The following ATRNL1 variants were observed in gnomAD, a reference collection of about 807,000 sequenced individuals.
ATRNL1 encodes the protein attractin-like protein 1.
In ATRNL1, 95 loss-of-function variants were observed where a neutral mutation model predicts 182.7. The observed-to-expected ratio is 0.52, with a 90% CI of 0.44 to 0.62. ATRNL1 has a LOEUF of 0.62. Among genes scored for constraint, ATRNL1 ranks in the 20% least tolerant of loss-of-function variants. The pLI is 0.00. For missense variants in ATRNL1, 1,471 were observed against 1,679.5 expected, an observed-to-expected ratio of 0.88 and a Z score of 2.17; for synonymous variants, 576 against 568.3, an observed-to-expected ratio of 1.01 and a Z score of -0.19.
intron 26 of ATRNL1, among the ~76,000 whole-genome samples, chr10:115,598,343 TA>T (rs1407232388): frequency 2.2e-5 from 3 of 138,258 alleles, no homozygotes; most frequent in African/African-American, 8.0e-5. Context: ...ATTATTTATT[TA>T]AAAAAATTAT....
chr10:115,132,525 G>C (rs2143735575), intron 5 of ATRNL1, among the ~76,000 whole-genome samples: 1 of 152,258 alleles, frequency 6.6e-6, no homozygotes, highest in Non-Finnish European at 1.5e-5. Context: ...CACAATGGTT[G>C]AACTAGTTTA....
intron 25 of ATRNL1, among the ~76,000 whole-genome samples, chr10:115,543,337 A>T (rs542008342): frequency 6.6e-6 from 1 of 152,250 alleles, no homozygotes; most frequent in African/African-American, 2.4e-5. Flanking sequence ...TCATATTTTT[A>T]TTGCATTTTA....
At chr10:115,464,822 T>C (rs1394161805) in intron 22 of ATRNL1, among the ~76,000 whole-genome samples, 1 of 146,932 alleles carries the variant, frequency 6.8e-6, no homozygotes, top group African/African-American at 2.6e-5. Flanking sequence ...AGTGACTTTT[T>C]GGATCCGTTT....
chr10:115,284,541 C>G (rs1292075688), intron 14 of ATRNL1, among the ~76,000 whole-genome samples: 1 of 152,202 alleles, frequency 6.6e-6, no homozygotes, highest in East Asian at 1.9e-4. Context: ...TATGTTCCAA[C>G]TGCTGTGAGA....
In ATRNL1 at chr10:115,274,157, C is replaced by T. The variant is rs574365788; in HGVS notation, c.2100+5713C>T. Among the ~76,000 whole-genome samples the T allele has an allele frequency of 8.5e-5, 13 of 152,322 alleles. No individual in the cohort carries two copies. The East Asian group carries it at 2.5e-3, about 29-fold the overall frequency. ...AAGGCTCCAAACAGCATCCTGTCTG[C>T]CACTGATATTTCACGTACCATTGCA... is the stretch of plus-strand genomic sequence containing the variant. On this transcript the variant is annotated intron_variant, in intron 13 of 28. Coordinates refer to ENST00000355044, the MANE Select transcript of ATRNL1 (RefSeq NM_207303.4).
At chr10:115,775,711 C>G (rs1949105324) in intron 27 of ATRNL1, among the ~76,000 whole-genome samples, 1 of 152,018 alleles carries the variant, frequency 6.6e-6, no homozygotes, top group Non-Finnish European at 1.5e-5. Flanking sequence ...AATCCCAGCA[C>G]TTTGGGAGGC....
In ATRNL1 at chr10:115,787,414, C is replaced by T. The variant is rs1949423154; in HGVS notation, c.3903+60059C>T. Among the ~76,000 whole-genome samples the T allele has an allele frequency of 3.3e-5, 5 of 152,082 alleles. No individual in the cohort carries two copies. In the South Asian group the frequency reaches 1.0e-3, roughly 31 times the overall value. On this transcript the variant is annotated intron_variant, in intron 27 of 28. Coordinates refer to ENST00000355044, the MANE Select transcript of ATRNL1 (RefSeq NM_207303.4). ...CTAATTCCAGGAATACTATTCTTTA[C>T]TTTCTTGGCTCTTAGAAGATATGTC...
At chr10:115,372,480 C>T (rs1442388891) in intron 19 of ATRNL1, among the ~76,000 whole-genome samples, 1 of 151,980 alleles carries the variant, frequency 6.6e-6, no homozygotes, top group Non-Finnish European at 1.5e-5. Context: ...AGAAGGCTTC[C>T]TATGTTTTTC....
chr10:115,782,437 G>A (rs1949286874), intron 27 of ATRNL1, among the ~76,000 whole-genome samples: 1 of 152,150 alleles, frequency 6.6e-6, no homozygotes, highest in African/African-American at 2.4e-5. Context: ...AAAAGAAAAA[G>A]TGTTGATGCA....
chr10:115,190,987 C>T (rs970413978), intron 8 of ATRNL1, among the ~76,000 whole-genome samples: 1 of 152,018 alleles, frequency 6.6e-6, no homozygotes, highest in African/African-American at 2.4e-5. Flanking sequence ...CTTTCTGTGC[C>T]TGGCTTATTT....
chr10:115,482,189 C>T (rs1554974297), intron 24 of ATRNL1, among the ~76,000 whole-genome samples: 2 of 150,918 alleles, frequency 1.3e-5, no homozygotes, highest in Non-Finnish European at 3.0e-5. Context: ...TATAATGTTA[C>T]TAGAATCACT....
Position 115,477,780 on chromosome 10 carries a change from T to C in ATRNL1, c.3654+8451T>C, listed in dbSNP as rs993163920. Among the ~76,000 whole-genome samples the C allele has an allele frequency of 4.9e-4, 74 of 151,674 alleles. 1 individual carries two copies. The highest frequency in any genetic ancestry group is 1.8e-3 in the African/African-American group (73 of 41,370). ...TCCTTCTGAAATCAGCATTTCCTTA[T>C]TCTAGGAAAATAATATGACTATAAA... On this transcript the variant is annotated intron_variant, in intron 24 of 28. Transcript: ENST00000355044.
chr10:115,449,497 G>T (rs144732338), intron 21 of ATRNL1, among the ~76,000 whole-genome samples: 1 of 152,192 alleles, frequency 6.6e-6, no homozygotes, highest in Non-Finnish European at 1.5e-5. Context: ...GAGCTCAGGA[G>T]CCATGGGTAT....
At chr10:115,940,752 G>C (rs1473967998) in intron 28 of ATRNL1, among the ~76,000 whole-genome samples, 3 of 151,516 alleles carry the variant, frequency 2.0e-5, no homozygotes, top group Non-Finnish European at 2.9e-5. Context: ...AATTCAATAA[G>C]ATAGGGGCTT....
At chr10:115,117,817 A>G (rs760570150) in intron 1 of ATRNL1, among the ~76,000 whole-genome samples, 1 of 152,176 alleles carries the variant, frequency 6.6e-6, no homozygotes, top group Non-Finnish European at 1.5e-5. Context: ...CATTCCCACA[A>G]ACAGTATAAG....
intron 26 of ATRNL1, among the ~76,000 whole-genome samples, chr10:115,618,278 T>A (rs1234056067): frequency 1.3e-5 from 2 of 152,208 alleles, no homozygotes; most frequent in Non-Finnish European, 2.9e-5. Context: ...ATATTTTAAA[T>A]ATAATATTCC....
At chr10:115,347,474 A>G (rs1856028306) in intron 19 of ATRNL1, among the ~76,000 whole-genome samples, 1 of 152,142 alleles carries the variant, frequency 6.6e-6, no homozygotes, top group Non-Finnish European at 1.5e-5. Context: ...TGGAAAGTAA[A>G]CATTTATTAC....
chr10:115,362,050 A>G (rs1856775253), intron 19 of ATRNL1, among the ~76,000 whole-genome samples: 1 of 152,118 alleles, frequency 6.6e-6, no homozygotes, highest in Non-Finnish European at 1.5e-5. Context: ...TGATTAAGTC[A>G]TATGGCCTTT....
At chr10:115,466,449 T>A (rs1392338443) in intron 22 of ATRNL1, among the ~76,000 whole-genome samples, 3 of 151,274 alleles carry the variant, frequency 2.0e-5, no homozygotes, top group African/African-American at 7.3e-5. Context: ...CAAATAGTTG[T>A]AAATATACCT....
Sources: gnomAD v4.1 joint callset for allele counts (sites outside exome capture counted in the v4.1 genomes callset) on GRCh38, gnomAD v4.1.1 for gene constraint, MANE v1.5 for transcripts, NCBI Gene and HGNC (gene_info 2026-07-23, HGNC 2026-07-21) for gene names.